PDE4D: variants seen among roughly 807,000 people sequenced by gnomAD.
PDE4D encodes the protein 3',5'-cyclic-AMP phosphodiesterase 4D.
Under a neutral mutation model 87.4 loss-of-function variants are expected in PDE4D, and 24 were observed. The ratio of observed to expected loss-of-function variants is 0.27; its 90% CI spans 0.20 to 0.39. The LOEUF is 0.39. Ranked by LOEUF, PDE4D falls within the 10% of genes least tolerant of loss-of-function variation. The pLI is 1.00. For missense variants in PDE4D, 714 were observed against 1,041.0 expected, an observed-to-expected ratio of 0.69 and a Z score of 4.32; for synonymous variants, 384 against 383.2, an observed-to-expected ratio of 1.00 and a Z score of -0.02.
At chr5:59,385,881 A>T (rs969776278) in intron 1 of PDE4D, among the ~76,000 whole-genome samples, 4 of 152,164 alleles carry the variant, frequency 2.6e-5, no homozygotes, top group Non-Finnish European at 5.9e-5. Flanking sequence ...TCAGGGAACC[A>T]GATCTGCACC....
At chr5:59,710,005 T>C (rs1753972967) in intron 1 of PDE4D, among the ~76,000 whole-genome samples, 1 of 152,108 alleles carries the variant, frequency 6.6e-6, no homozygotes, top group Admixed American at 6.6e-5. Context: ...GCTTTGGGGA[T>C]TATTAGGGAA....
chr5:59,857,088 A>T (rs1745550436), intron 1 of PDE4D, among the ~76,000 whole-genome samples: 1 of 152,166 alleles, frequency 6.6e-6, no homozygotes, highest in Non-Finnish European at 1.5e-5. Flanking sequence ...CCGAATTTAG[A>T]TTCATGAAAT....
chr5:58,986,533 G>T (rs1580108876), intron 11 of PDE4D, among the ~76,000 whole-genome samples: 1 of 152,314 alleles, frequency 6.6e-6, no homozygotes, highest in East Asian at 1.9e-4. Flanking sequence ...CCTCCTGTCA[G>T]ATCAGCAGGG....
At chr5:59,220,423 A>G (rs1330369139) in intron 1 of PDE4D, among the ~76,000 whole-genome samples, 1 of 138,782 alleles carries the variant, frequency 7.2e-6, no homozygotes, top group South Asian at 2.2e-4. Context: ...AAACAGAGTT[A>G]AAAAAAAAAA....
intron 1 of PDE4D, among the ~76,000 whole-genome samples, chr5:60,420,113 G>T (rs1023731628): frequency 6.6e-6 from 1 of 152,154 alleles, no homozygotes; most frequent in African/African-American, 2.4e-5. Flanking sequence ...AAATAGTGGA[G>T]GTCAAGTAAT....
At chr5:60,370,289 G>T (rs1206572076) in intron 1 of PDE4D, among the ~76,000 whole-genome samples, 1 of 152,098 alleles carries the variant, frequency 6.6e-6, no homozygotes, top group Non-Finnish European at 1.5e-5. Context: ...TTCTTAAAAG[G>T]CCCCAACTTG....
chr5:59,660,585 A>T (rs552196546), intron 1 of PDE4D, among the ~76,000 whole-genome samples: 1 of 152,292 alleles, frequency 6.6e-6, no homozygotes, highest in Admixed American at 6.5e-5. Flanking sequence ...TTAAAGAGTT[A>T]GTTCTGACTA....
intron 1 of PDE4D, among the ~76,000 whole-genome samples, chr5:60,283,801 A>G (rs753382384): frequency 1.3e-5 from 2 of 152,108 alleles, no homozygotes; most frequent in African/African-American, 4.8e-5. Context: ...AAATTCACCT[A>G]TGAGCTGCTG....
chr5:59,023,530 C>T (rs920154376), intron 6 of PDE4D, among the ~76,000 whole-genome samples: 2 of 151,830 alleles, frequency 1.3e-5, no homozygotes, highest in African/African-American at 2.4e-5. Context: ...GTGGCACATG[C>T]CTGTGGCTCC....
chr5:60,101,458 C>T (rs757418592), intron 2 of PDE4D, among the ~76,000 whole-genome samples: 1 of 152,096 alleles, frequency 6.6e-6, no homozygotes. Flanking sequence ...AGTCTAACAT[C>T]GTTTCTGAAG....
chr5:59,664,658 A>T (rs1007264840), intron 1 of PDE4D, among the ~76,000 whole-genome samples: 21 of 152,196 alleles, frequency 1.4e-4, no homozygotes, highest in African/African-American at 4.8e-4. Context: ...CTGATTTTTT[A>T]AAAGATAAAA....
chr5:59,966,543 T>C (rs1760078881), intron 3 of PDE4D, among the ~76,000 whole-genome samples: 1 of 152,152 alleles, frequency 6.6e-6, no homozygotes, highest in African/African-American at 2.4e-5. Flanking sequence ...CAACTTTATT[T>C]TGTGGTTGTG....
At chr5:59,729,827 A>G (rs1757124075) in intron 1 of PDE4D, among the ~76,000 whole-genome samples, 2 of 152,030 alleles carry the variant, frequency 1.3e-5, no homozygotes, top group South Asian at 4.1e-4. Flanking sequence ...ACCACTCTTA[A>G]CTTTTCTGGG....
chr5:59,085,598 C>T (rs796227060), intron 5 of PDE4D, among the ~76,000 whole-genome samples: 39 of 152,222 alleles, frequency 2.6e-4, no homozygotes, highest in African/African-American at 8.7e-4. Context: ...ATTATGAATT[C>T]ATATAAACTA....
chr5:59,229,080 T>C (rs1754539905), intron 1 of PDE4D, among the ~76,000 whole-genome samples: 1 of 152,140 alleles, frequency 6.6e-6, no homozygotes, highest in Non-Finnish European at 1.5e-5. Context: ...TGATGAACTT[T>C]GTTTTTTACT....
chr5:59,158,868 T>C (rs978432552), intron 5 of PDE4D, among the ~76,000 whole-genome samples: 2 of 152,258 alleles, frequency 1.3e-5, no homozygotes, highest in East Asian at 3.9e-4. Flanking sequence ...TGAAGAAATG[T>C]TAAGAAATCA....
chr5:60,173,721 G>A (rs1239091356), intron 2 of PDE4D, among the ~76,000 whole-genome samples: 1 of 152,092 alleles, frequency 6.6e-6, no homozygotes, highest in African/African-American at 2.4e-5. Context: ...AGCTAATGGA[G>A]CAACAGTCAG....
intron 5 of PDE4D, among the ~76,000 whole-genome samples, chr5:59,090,538 T>C (rs1436435590): frequency 3.3e-5 from 5 of 152,100 alleles, no homozygotes; most frequent in African/African-American, 4.8e-5. Context: ...ACATAAATCA[T>C]ACACAGACAT....
At chr5:59,703,732 T>C (rs747211093) in intron 1 of PDE4D, 11 of 421,880 alleles carry the variant, frequency 2.6e-5, no homozygotes, top group Non-Finnish European at 5.5e-5. Flanking sequence ...TAGAGAGAGA[T>C]TTGCTAGTGG....
Sources: allele counts gnomAD v4.1 joint callset (sites outside exome capture counted in the v4.1 genomes callset), GRCh38; gene constraint gnomAD v4.1.1; transcripts MANE v1.5; gene names NCBI Gene and HGNC (gene_info 2026-07-23, HGNC 2026-07-21).